Variants in MAGI1 observed in about 807,000 individuals in gnomAD.
MAGI1 encodes membrane-associated guanylate kinase, WW and PDZ domain-containing protein 1.
Under a neutral mutation model 139.9 loss-of-function variants are expected in MAGI1, and 58 were observed. The observed-to-expected ratio is 0.41, with a 90% CI of 0.34 to 0.52. The LOEUF is 0.52. Among genes scored for constraint, MAGI1 ranks in the 20% least tolerant of loss-of-function variants. MAGI1 has a pLI of 0.12. For synonymous variants in MAGI1, 812 were observed against 737.9 expected, an observed-to-expected ratio of 1.10 and a Z score of -1.63; for missense variants, 1,874 against 1,901.6, an observed-to-expected ratio of 0.99 and a Z score of 0.27.
chr3:65,619,795 G>A, intron 2 of MAGI1: 1 of 943,470 alleles, frequency 1.1e-6, no homozygotes, highest in Non-Finnish European at 1.3e-6. Flanking sequence ...CTCCAAAACA[G>A]ACCTCTTCTG....
chr3:65,725,916 G>A (rs1443005065), intron 1 of MAGI1, among the ~76,000 whole-genome samples: 1 of 152,142 alleles, frequency 6.6e-6, no homozygotes, highest in Admixed American at 6.6e-5. Flanking sequence ...TTCCAGGTAA[G>A]TTAATTCGTC....
At chr3:65,789,797 AAAACAG>A (rs2039639636) in intron 1 of MAGI1, among the ~76,000 whole-genome samples, 1 of 151,922 alleles carries the variant, frequency 6.6e-6, no homozygotes, top group African/African-American at 2.4e-5. Context: ...AAACAAAACA[AAAACAG>A]AAACAAAAAA....
At chr3:65,489,191 G>A (rs1423186829) in intron 3 of MAGI1, among the ~76,000 whole-genome samples, 4 of 152,102 alleles carry the variant, frequency 2.6e-5, no homozygotes, top group Non-Finnish European at 4.4e-5. Context: ...ATGAATTTGT[G>A]CATATAATGC....
chr3:65,848,597 T>A (rs1292879954), intron 1 of MAGI1, among the ~76,000 whole-genome samples: 1 of 152,120 alleles, frequency 6.6e-6, no homozygotes, highest in Non-Finnish European at 1.5e-5. Flanking sequence ...TTTTTTTATT[T>A]TCTTTCTAAG....
At chr3:65,499,071 A>AC in intron 2 of MAGI1, 2 of 977,980 alleles carry the variant, frequency 2.0e-6, no homozygotes, top group Non-Finnish European at 2.4e-6. Flanking sequence ...AAAAAAAAAA[A>AC]AACAAAAAAC....
chr3:65,885,030 C>T (rs1158226132), intron 1 of MAGI1, among the ~76,000 whole-genome samples: 5 of 152,006 alleles, frequency 3.3e-5, no homozygotes, highest in Non-Finnish European at 4.4e-5. Flanking sequence ...ACTTCAGAAA[C>T]AACCTAAATA....
chr3:65,437,373 A>T, intron 9 of MAGI1, 126 bp from the exon 10 acceptor site: 1 of 500,814 alleles, frequency 2.0e-6, no homozygotes, highest in Admixed American at 3.8e-5. Flanking sequence ...GATTAAAAAG[A>T]AGTTGTTATC....
At chr3:65,694,038 G>A (rs992905396) in intron 1 of MAGI1, among the ~76,000 whole-genome samples, 7 of 151,866 alleles carry the variant, frequency 4.6e-5, no homozygotes, top group African/African-American at 1.5e-4. Flanking sequence ...CTTTCTTAAC[G>A]GAGGACCAAA....
chr3:65,365,713 A>T (rs140340935), intron 18 of MAGI1, among the ~76,000 whole-genome samples: 2 of 152,316 alleles, frequency 1.3e-5, no homozygotes, highest in African/African-American at 4.8e-5. Context: ...CCATTATAAG[A>T]TTCACCTGTG....
chr3:65,537,492 C>T (rs957274651), intron 2 of MAGI1, among the ~76,000 whole-genome samples: 8 of 152,102 alleles, frequency 5.3e-5, no homozygotes. Flanking sequence ...ACTTATTCAT[C>T]TTTATCTCCT....
chr3:65,668,884 C>A (rs1429668156), intron 1 of MAGI1, among the ~76,000 whole-genome samples: 1 of 151,798 alleles, frequency 6.6e-6, no homozygotes, highest in Admixed American at 6.6e-5. Context: ...AACTGAAGGT[C>A]CTGGGAATTT....
rs979654817 is a variant in MAGI1, at chr3:65,747,257, C to G, written c.314-125169G>C. 2.0e-5 allele frequency among the ~76,000 whole-genome samples: 3 copies of G among 152,150 alleles called. No homozygotes were observed. In the South Asian group the frequency reaches 6.2e-4, roughly 31 times the overall value. On this transcript the variant is annotated intron_variant, in intron 1 of 22. Transcript: ENST00000402939. Reference sequence around the variant, plus strand: ...AACACTTTTTCAGGAGATACATAAGCTCAAAACCATTACTTAATCATGCAA... The same window carrying G: ...AACACTTTTTCAGGAGATACATAAGGTCAAAACCATTACTTAATCATGCAA...
At position 65,740,012 on chromosome 3, in the gene MAGI1, C is replaced by T. The variant is rs541140185; in HGVS notation, c.314-117924G>A. On this transcript the variant is annotated intron_variant, in intron 1 of 22. Transcript: ENST00000402939. ...CCTTCAAGTTGTAAAAAAAAAAATGCAGTATCTGCAAAGTGCAATAGAGGG... is the reference window on the plus strand; with the variant it reads ...CCTTCAAGTTGTAAAAAAAAAAATGTAGTATCTGCAAAGTGCAATAGAGGG... Among the ~76,000 whole-genome samples, 48 of 151,482 alleles carry T rather than the reference C, an allele frequency of 3.2e-4. 1 individual carries two copies. Among genetic ancestry groups the T allele is most frequent in the South Asian group, 1.3e-3 (6 of 4,798 alleles).
chr3:65,775,449 G>GAAA (rs1553705201), intron 1 of MAGI1, among the ~76,000 whole-genome samples: 1 of 26,256 alleles, frequency 3.8e-5, no homozygotes, highest in Non-Finnish European at 8.7e-5. Context: ...ACCTTCTCTG[G>GAAA]AAAAAAAAAA....
intron 7 of MAGI1, among the ~76,000 whole-genome samples, 167 bp from the exon 8 acceptor site, chr3:65,443,016 G>A (rs1280373538): frequency 6.6e-6 from 1 of 151,466 alleles, no homozygotes; most frequent in African/African-American, 2.4e-5. Flanking sequence ...TATTTTATAA[G>A]TGTATTTTTC....
chr3:65,707,532 A>T lies in MAGI1; in HGVS notation c.314-85444T>A, dbSNP rs566919462. 4.4e-4 allele frequency among the ~76,000 whole-genome samples: 67 copies of T among 152,042 alleles called. 2 individuals are homozygous for T. Among genetic ancestry groups the T allele is most frequent in the East Asian group, 3.9e-3 (20 of 5,146 alleles). Reference sequence around the variant, plus strand: ...AGACACTGTCTCTCTAACAAAAAAAATTTTTTAAATAGTCAGGCATGGTTG... The same window carrying T: ...AGACACTGTCTCTCTAACAAAAAAATTTTTTTAAATAGTCAGGCATGGTTG... On this transcript the variant is annotated intron_variant, in intron 1 of 22. Coordinates refer to ENST00000402939, the MANE Select transcript of MAGI1 (RefSeq NM_001033057.2).
intron 5 of MAGI1, among the ~76,000 whole-genome samples, chr3:65,462,441 T>C (rs1046364319): frequency 6.6e-6 from 1 of 152,200 alleles, no homozygotes; most frequent in Non-Finnish European, 1.5e-5. Flanking sequence ...ATATGTGGTG[T>C]TATTTCTGAG....
At chr3:65,832,756 T>C (rs2042596380) in intron 1 of MAGI1, among the ~76,000 whole-genome samples, 1 of 152,116 alleles carries the variant, frequency 6.6e-6, no homozygotes, top group African/African-American at 2.4e-5. Context: ...TGACTACCCA[T>C]CAGGCAAAGC....
In MAGI1 at chr3:65,357,099, C is replaced by T. The variant is rs766826512; in HGVS notation, c.3668G>A (p.Gly1223Asp). 3.4e-5 allele frequency: 55 copies of T among 1,613,232 alleles called. No homozygotes were observed. Among genetic ancestry groups the T allele is most frequent in the Non-Finnish European group, 4.5e-5 (53 of 1,179,546 alleles). Residue 1223 changes from glycine (G) to aspartate (D), a missense_variant, in exon 23 of 23, where the codon GGT becomes GAT. Physicochemically the swap from Gly to Asp is moderately conservative, Grantham distance 94 (BLOSUM62 -1). Coordinates refer to ENST00000402939, the MANE Select transcript of MAGI1 (RefSeq NM_001033057.2). ...PSSDRHGPAT[G>D]PQGVPEVRAG... ...CCTCACTTCCGGAACACCTTGTGGA[C>T]CGGTGGCGGGGCCGTGGCGGTCGCT...
Sources: allele counts gnomAD v4.1 joint callset (sites outside exome capture counted in the v4.1 genomes callset), GRCh38; gene constraint gnomAD v4.1.1; transcripts MANE v1.5; gene names NCBI Gene and HGNC (gene_info 2026-07-23, HGNC 2026-07-21).